The following SLC25A21 variants were observed in gnomAD, a reference collection of about 807,000 sequenced individuals.
SLC25A21 encodes mitochondrial 2-oxodicarboxylate carrier.
Under a neutral mutation model 43.8 loss-of-function variants are expected in SLC25A21, and 47 were observed. The observed-to-expected ratio is 1.07, with a 90% CI of 0.85 to 1.37. SLC25A21 has a LOEUF of 1.37. Ranked by LOEUF, SLC25A21 falls within the 40% of genes most tolerant of loss-of-function variation. The pLI is 0.00. For synonymous variants in SLC25A21, 131 were observed against 121.3 expected, an observed-to-expected ratio of 1.08 and a Z score of -0.52; for missense variants, 352 against 350.2, an observed-to-expected ratio of 1.00 and a Z score of -0.04.
At chr14:36,887,520 G>A (rs958456830) in intron 1 of SLC25A21, among the ~76,000 whole-genome samples, 29 of 147,750 alleles carry the variant, frequency 2.0e-4, no homozygotes, top group African/African-American at 7.0e-4. Context: ...CAGAGATCAC[G>A]CCACTGCACT....
intron 3 of SLC25A21, among the ~76,000 whole-genome samples, chr14:36,762,169 T>C (rs1886182030): frequency 1.3e-5 from 2 of 152,262 alleles, no homozygotes; most frequent in Non-Finnish European, 1.5e-5. Context: ...CTCTGGTATG[T>C]ATTCAGAAAA....
At chr14:37,037,382 C>G (rs1027787573) in intron 1 of SLC25A21, among the ~76,000 whole-genome samples, 1 of 152,128 alleles carries the variant, frequency 6.6e-6, no homozygotes, top group African/African-American at 2.4e-5. Context: ...TATTAATGAT[C>G]AGTCTTTTTA....
At chr14:36,728,262 G>A (rs928996231) in intron 5 of SLC25A21, among the ~76,000 whole-genome samples, 1 of 152,218 alleles carries the variant, frequency 6.6e-6, no homozygotes, top group Admixed American at 6.5e-5. Context: ...TTTGGTTATA[G>A]TAGCTGCAGT....
At chr14:36,753,847 C>G (rs1049990886) in intron 3 of SLC25A21, among the ~76,000 whole-genome samples, 2 of 151,482 alleles carry the variant, frequency 1.3e-5, no homozygotes, top group South Asian at 2.1e-4. Flanking sequence ...TCTGATGAGG[C>G]ACCTCTAGAT....
intron 1 of SLC25A21, among the ~76,000 whole-genome samples, chr14:37,099,784 C>A (rs554269960): frequency 6.6e-6 from 1 of 152,202 alleles, no homozygotes; most frequent in African/African-American, 2.4e-5. Context: ...TCCTCCTTTT[C>A]CAGATTCAGA....
chr14:37,074,696 A>G (rs1962243949), intron 1 of SLC25A21, among the ~76,000 whole-genome samples: 1 of 152,012 alleles, frequency 6.6e-6, no homozygotes, highest in African/African-American at 2.4e-5. Context: ...AGCCAGGCGT[A>G]GTGGTGTGCA....
chr14:37,051,653 T>C (rs1341429225), intron 1 of SLC25A21, among the ~76,000 whole-genome samples: 1 of 152,154 alleles, frequency 6.6e-6, no homozygotes, highest in Non-Finnish European at 1.5e-5. Context: ...TACCGAGGGA[T>C]GAGCAAAGCA....
At chr14:36,789,774 C>CATTTTATATATTTATATATAATAT in intron 3 of SLC25A21, among the ~76,000 whole-genome samples, 1 of 66,194 alleles carries the variant, frequency 1.5e-5, no homozygotes, top group South Asian at 4.4e-4. Flanking sequence ...ATATATAATA[C>CATTTTATATATTTATATATAATAT]ATTTTATATA....
intron 6 of SLC25A21, among the ~76,000 whole-genome samples, chr14:36,721,422 C>G (rs1884369216): frequency 6.6e-6 from 1 of 152,264 alleles, no homozygotes. Context: ...GTGCTTCCAA[C>G]CACTACACAG....
intron 1 of SLC25A21, among the ~76,000 whole-genome samples, chr14:36,877,460 C>G (rs966396025): frequency 6.6e-6 from 1 of 152,098 alleles, no homozygotes; most frequent in Non-Finnish European, 1.5e-5. Context: ...ATGATGGTCC[C>G]CTAGTATGCA....
intron 2 of SLC25A21, among the ~76,000 whole-genome samples, chr14:36,819,914 T>C (rs1888572157): frequency 6.6e-6 from 1 of 152,208 alleles, no homozygotes; most frequent in South Asian, 2.1e-4. Context: ...TATATATTCC[T>C]ATCTTTATAT....
At chr14:36,788,076 AT>A (rs1887315614) in intron 3 of SLC25A21, among the ~76,000 whole-genome samples, 1 of 152,194 alleles carries the variant, frequency 6.6e-6, no homozygotes, top group African/African-American at 2.4e-5. Flanking sequence ...TACTCTGTTT[AT>A]TTCTCAAGAA....
chr14:36,678,192 G>T lies in SLC25A21; in HGVS notation c.*2466C>A. The T allele has an allele frequency of 2.2e-6, 1 of 461,046 alleles. No homozygotes were observed. The highest frequency in any genetic ancestry group is 3.9e-6 in the Non-Finnish European group (1 of 255,628). 28.6% of individuals were successfully genotyped at this position (461,046 alleles called of 1,614,324 possible). A position where few individuals can be genotyped will look rare whatever the true frequency, so the allele number is the denominator to read the frequency against. On this transcript the variant is annotated 3_prime_UTR_variant, in exon 10 of 10. Transcript: ENST00000331299. ...GCGGTTCCACCACATCGGTTTCGTG[G>T]CTTCGTTTAAAACTCAGATGGCTAG...
At chr14:36,905,293 T>C (rs1349267798) in intron 1 of SLC25A21, among the ~76,000 whole-genome samples, 3 of 152,212 alleles carry the variant, frequency 2.0e-5, no homozygotes, top group African/African-American at 4.8e-5. Flanking sequence ...CTAAACCTAA[T>C]TGCAGGGGCC....
chr14:37,145,991 T>C (rs1193390562), intron 1 of SLC25A21, among the ~76,000 whole-genome samples: 1 of 152,096 alleles, frequency 6.6e-6, no homozygotes, highest in Non-Finnish European at 1.5e-5. Context: ...AATGTCTCAA[T>C]TTGATGGCAG....
chr14:36,905,972 G>A (rs1046724618), intron 1 of SLC25A21, among the ~76,000 whole-genome samples: 3 of 152,122 alleles, frequency 2.0e-5, no homozygotes, highest in East Asian at 1.9e-4. Context: ...TGAAGTGACC[G>A]GCGATATGCA....
Position 37,137,309 on chromosome 14 carries a change from T to C in SLC25A21, c.70+34972A>G, listed in dbSNP as rs192757955. ...ACCGCGCCCAGCTGGCACTGACTTTTGAATGCTGGTATTAAATAAATATAA... is the reference window on the plus strand; with the variant it reads ...ACCGCGCCCAGCTGGCACTGACTTTCGAATGCTGGTATTAAATAAATATAA... On this transcript the variant is annotated intron_variant, in intron 1 of 9. Coordinates refer to ENST00000331299, the MANE Select transcript of SLC25A21 (RefSeq NM_030631.4). Among the ~76,000 whole-genome samples the C allele has an allele frequency of 1.6e-3, 241 of 152,342 alleles. 1 individual carries two copies. The highest frequency in any genetic ancestry group is 5.3e-3 in the African/African-American group (222 of 41,568).
At chr14:37,162,986 T>C (rs1022944150) in intron 1 of SLC25A21, among the ~76,000 whole-genome samples, 1 of 152,172 alleles carries the variant, frequency 6.6e-6, no homozygotes, top group Non-Finnish European at 1.5e-5. Flanking sequence ...TTCATGTCCT[T>C]TGTAGGGACA....
chr14:36,744,426 A>G (rs187221274), intron 3 of SLC25A21, among the ~76,000 whole-genome samples: 45 of 152,270 alleles, frequency 3.0e-4, no homozygotes, highest in Non-Finnish European at 1.8e-4. Context: ...TGACAAAAAT[A>G]TATATTGGGG....
Sources: allele counts gnomAD v4.1 joint callset (sites outside exome capture counted in the v4.1 genomes callset), GRCh38; gene constraint gnomAD v4.1.1; transcripts MANE v1.5; gene names NCBI Gene and HGNC (gene_info 2026-07-23, HGNC 2026-07-21).